Variants in TMEM232 observed in about 807,000 individuals in gnomAD.
TMEM232 encodes transmembrane protein 232.
Under a neutral mutation model 78.8 loss-of-function variants are expected in TMEM232, and 80 were observed. The ratio of observed to expected loss-of-function variants is 1.01; its 90% CI spans 0.85 to 1.22. The LOEUF (loss-of-function observed/expected upper bound fraction) is 1.22, where lower values mean the gene tolerates loss of function less well. TMEM232 is among the 50% of genes most tolerant of loss of function. The probability of loss-of-function intolerance (pLI) is 0.00; values close to 1 mark genes in which losing one functional copy is unlikely to be tolerated. For missense variants in TMEM232, 881 were observed against 742.2 expected, an observed-to-expected ratio of 1.19 and a Z score of -2.17; for synonymous variants, 297 against 254.3, an observed-to-expected ratio of 1.17 and a Z score of -1.60.
chr5:110,661,479 A>G (rs1789791401), intron 2 of TMEM232, among the ~76,000 whole-genome samples: 1 of 151,848 alleles, frequency 6.6e-6, no homozygotes, highest in South Asian at 2.1e-4. Flanking sequence ...TGCCTGGGTG[A>G]TTTTTGTAAT....
chr5:110,468,590 A>C (rs1253139279), intron 12 of TMEM232, among the ~76,000 whole-genome samples: 1 of 152,146 alleles, frequency 6.6e-6, no homozygotes, highest in Non-Finnish European at 1.5e-5. Flanking sequence ...TATTCGAATG[A>C]TATATAAAAA....
At chr5:110,535,155 CCT>C (rs1274370251) in intron 11 of TMEM232, among the ~76,000 whole-genome samples, 1 of 152,142 alleles carries the variant, frequency 6.6e-6, no homozygotes, top group Non-Finnish European at 1.5e-5. Context: ...CATCATATCC[CCT>C]GTGACCTGCC....
At chr5:110,695,376 C>T (rs552317703) in intron 1 of TMEM232, among the ~76,000 whole-genome samples, 52 of 152,284 alleles carry the variant, frequency 3.4e-4, no homozygotes, top group Non-Finnish European at 3.1e-4. Context: ...GACACGGTAA[C>T]ATCACAATTA....
In TMEM232 at chr5:110,625,333, G is replaced by A. The variant is rs61730860; in HGVS notation, c.702C>T (p.Leu234=). The A allele has an allele frequency of 1.7e-4, 260 of 1,547,054 alleles. No homozygotes were observed. The highest frequency in any genetic ancestry group is 1.7e-4 in the Middle Eastern group (1 of 5,990). ...CAGGTCTAAAAATGGATTCAGAACG[G>A]AGTTCTCTTTTACCTATAATTTCCG... ...KASEIIGKRE[L]RSESIFRPVE... The change falls in exon 7 of 14, where the codon CTC becomes CTT. Residue 234 remains leucine, a synonymous_variant. Transcript: ENST00000455884.
intron 11 of TMEM232, among the ~76,000 whole-genome samples, chr5:110,563,247 T>C (rs557472529): frequency 1.1e-4 from 17 of 152,104 alleles, no homozygotes; most frequent in South Asian, 4.1e-4. Flanking sequence ...TCTTTGCTTG[T>C]ATCTAATATC....
At chr5:110,532,959 T>A (rs1284138490) in intron 11 of TMEM232, among the ~76,000 whole-genome samples, 2 of 152,198 alleles carry the variant, frequency 1.3e-5, no homozygotes, top group East Asian at 3.9e-4. Context: ...CAGACAAGGT[T>A]TACAAGTTAG....
intron 12 of TMEM232, among the ~76,000 whole-genome samples, chr5:110,471,311 A>G (rs1762655455): frequency 6.6e-6 from 1 of 152,176 alleles, no homozygotes; most frequent in Non-Finnish European, 1.5e-5. Flanking sequence ...GAAGGAAAAG[A>G]GAGAAAGATG....
chr5:110,659,479 A>C (rs535779386), intron 2 of TMEM232, among the ~76,000 whole-genome samples: 48 of 152,268 alleles, frequency 3.2e-4, no homozygotes, highest in African/African-American at 1.1e-3. Context: ...AGAGAAGCTA[A>C]TGCAAAGATT....
chr5:110,407,817 A>G (rs527898798), intron 2 of TMEM232, among the ~76,000 whole-genome samples: 1 of 152,246 alleles, frequency 6.6e-6, no homozygotes, highest in South Asian at 2.1e-4. Context: ...AATATATATC[A>G]AGTATTATCT....
At chr5:110,627,972 T>A (rs1784631430) in intron 5 of TMEM232, 92 bp from the exon 6 acceptor site, 1 of 904,034 alleles carries the variant, frequency 1.1e-6, no homozygotes, top group South Asian at 1.6e-5. Flanking sequence ...TTATTACATT[T>A]TCTTTTGAGA....
At chr5:110,481,324 T>C (rs368888871) in intron 12 of TMEM232, among the ~76,000 whole-genome samples, 1 of 152,114 alleles carries the variant, frequency 6.6e-6, no homozygotes, top group East Asian at 1.9e-4. Flanking sequence ...AAAAGCAACA[T>C]AAGTCAGCAA....
chr5:110,472,318 C>T (rs545926847), intron 12 of TMEM232, among the ~76,000 whole-genome samples: 1 of 151,700 alleles, frequency 6.6e-6, no homozygotes, highest in Admixed American at 6.6e-5. Context: ...AATAAGATAC[C>T]TTGGAATAAA....
intron 1 of TMEM232, among the ~76,000 whole-genome samples, chr5:110,671,910 A>G (rs1191250506): frequency 6.6e-6 from 1 of 152,198 alleles, no homozygotes; most frequent in African/African-American, 2.4e-5. Flanking sequence ...AAAGCCCACT[A>G]TTCACAAAAT....
chr5:110,473,399 A>G (rs2149379786), intron 12 of TMEM232, among the ~76,000 whole-genome samples: 1 of 152,008 alleles, frequency 6.6e-6, no homozygotes, highest in African/African-American at 2.4e-5. Flanking sequence ...CCCTCCAGAT[A>G]AAATGCAAAG....
At chr5:110,401,056 A>G (rs1466693058) in intron 2 of TMEM232, among the ~76,000 whole-genome samples, 1 of 152,070 alleles carries the variant, frequency 6.6e-6, no homozygotes, top group African/African-American at 2.4e-5. Flanking sequence ...CAGCAGAAAA[A>G]TATCCAATGT....
chr5:110,618,696 A>C, intron 7 of TMEM232, 134 bp from the exon 8 acceptor site: 2 of 966,372 alleles, frequency 2.1e-6, no homozygotes, highest in South Asian at 3.8e-5. Context: ...TTTATATTTC[A>C]CCAAGTGGAG....
intron 11 of TMEM232, among the ~76,000 whole-genome samples, chr5:110,555,329 A>G (rs1774949266): frequency 6.6e-6 from 1 of 152,038 alleles, no homozygotes; most frequent in African/African-American, 2.4e-5. Flanking sequence ...GTTTTGAGAG[A>G]TTTTCTTGGT....
Position 110,629,911 on chromosome 5 carries a change from A to G in TMEM232, c.502-2031T>C, listed in dbSNP as rs989198837. Among the ~76,000 whole-genome samples the G allele has an allele frequency of 3.9e-5, 6 of 152,332 alleles. No homozygotes were observed. The South Asian group carries it at 1.0e-3, about 26-fold the overall frequency. On this transcript the variant is annotated intron_variant, in intron 5 of 13. Coordinates refer to ENST00000455884, the MANE Select transcript of TMEM232 (RefSeq NM_001039763.4). ...AGGAAAGAATGTAAACAAAATATAA[A>G]AGAAAATATATTCGGGGATCATATG... is the stretch of plus-strand genomic sequence containing the variant.
At chr5:110,537,496 A>G (rs1038121193) in intron 11 of TMEM232, among the ~76,000 whole-genome samples, 10 of 151,672 alleles carry the variant, frequency 6.6e-5, no homozygotes, top group Admixed American at 5.2e-4. Context: ...TCCCAGAACC[A>G]GCCCCCCAAG....
Sources: gnomAD v4.1 joint callset for allele counts (sites outside exome capture counted in the v4.1 genomes callset) on GRCh38, gnomAD v4.1.1 for gene constraint, MANE v1.5 for transcripts, NCBI Gene and HGNC (gene_info 2026-07-23, HGNC 2026-07-21) for gene names.